The following ACSBG2 variants were observed in gnomAD, a reference collection of about 807,000 sequenced individuals.
The protein encoded by ACSBG2 is acyl-CoA synthetase bubblegum family member 2, also known as long-chain-fatty-acid--CoA ligase ACSBG2.
Under a neutral mutation model 74.7 loss-of-function variants are expected in ACSBG2, and 62 were observed. The observed-to-expected ratio is 0.83, with a 90% CI of 0.68 to 1.03. The LOEUF is 1.03. Ranked by LOEUF, ACSBG2 falls within the 50% of genes least tolerant of loss-of-function variation. ACSBG2 has a pLI of 0.00. For synonymous variants in ACSBG2, 309 were observed against 294.1 expected (o/e 1.05, Z -0.52); for missense variants, 730 against 817.6 (o/e 0.89, Z 1.31).
intron 7 of ACSBG2, among the ~76,000 whole-genome samples, chr19:6,166,327 TG>T (rs2089807957): frequency 6.7e-6 from 1 of 149,592 alleles, no homozygotes; most frequent in Non-Finnish European, 1.5e-5. Context: ...TGTGTGTGTG[TG>T]TGTTTTGAGA....
chr19:6,181,421 CATT>C (rs1475552610), intron 8 of ACSBG2, among the ~76,000 whole-genome samples: 2 of 152,022 alleles, frequency 1.3e-5, no homozygotes, highest in Non-Finnish European at 1.5e-5. Context: ...TATCTAATCT[CATT>C]GTTGAGTGTT....
chr19:6,178,372 G>GCAT (rs1455624179), intron 8 of ACSBG2, among the ~76,000 whole-genome samples: 3 of 146,976 alleles, frequency 2.0e-5, no homozygotes. Flanking sequence ...AATATTCATT[G>GCAT]CATTATTATT....
chr19:6,181,818 C>CA (rs1555696889), intron 8 of ACSBG2, among the ~76,000 whole-genome samples: 3 of 119,438 alleles, frequency 2.5e-5, no homozygotes, highest in Admixed American at 1.8e-4. Context: ...CACCCGCCCC[C>CA]CCCCCCAACG....
At chr19:6,185,676 G>GGAATCTC in intron 11 of ACSBG2, 23 bp downstream of exon 11, 1 of 1,612,784 alleles carries the variant, frequency 6.2e-7, no homozygotes. Flanking sequence ...GAGCTCTTTG[G>GGAATCTC]GAATCTCCTG....
rs2090052303 is a variant in ACSBG2 at position 6,174,836 on chromosome 19, T to C, written c.739-2393T>C. 6.6e-6 allele frequency among the ~76,000 whole-genome samples: 1 copy of C among 152,094 alleles called. No individual in the cohort carries two copies. Among genetic ancestry groups the C allele is most frequent in the African/African-American group, 2.4e-5 (1 of 41,412 alleles). ...TCATCATCATCTTTACAGCAAGAAG[T>C]TAAAGGTAGCCTTAGATTCTTGCCA... is the stretch of plus-strand genomic sequence containing the variant. On this transcript the variant is annotated intron_variant, in intron 7 of 14. Transcript: ENST00000588485. This position sits in a 1 kb window ranked among gnomAD's most constrained non-coding sequence, Gnocchi z 4.2.
intron 4 of ACSBG2, 31 bp downstream of exon 4, chr19:6,151,826 G>T: frequency 2.6e-6 from 4 of 1,563,558 alleles, no homozygotes; most frequent in Non-Finnish European, 3.5e-6. Context: ...CATGGTGAGG[G>T]TTAAGGAGCC....
At chr19:6,146,886 C>T (rs768899600) in intron 2 of ACSBG2, among the ~76,000 whole-genome samples, 3 of 152,108 alleles carry the variant, frequency 2.0e-5, no homozygotes, top group Non-Finnish European at 2.9e-5. Context: ...TGTTTGAGCC[C>T]AGGAGTTTGA....
intron 7 of ACSBG2, among the ~76,000 whole-genome samples, chr19:6,173,324 G>T (rs898693547): frequency 6.6e-6 from 1 of 152,142 alleles, no homozygotes; most frequent in Non-Finnish European, 1.5e-5. Context: ...GGCACCACAG[G>T]TGCACAACCA....
intron 6 of ACSBG2, chr19:6,161,499 G>T (rs2089615282): frequency 2.0e-6 from 1 of 496,006 alleles, no homozygotes; most frequent in Non-Finnish European, 3.7e-6. Flanking sequence ...AAGTGGGTGT[G>T]ACCTTTCAAA....
chr19:6,184,217 A>G (rs770942963), intron 10 of ACSBG2, among the ~76,000 whole-genome samples: 3 of 152,178 alleles, frequency 2.0e-5, no homozygotes, highest in Non-Finnish European at 4.4e-5. Context: ...CACTCTTTAC[A>G]TATTAGGAAA....
At chr19:6,160,870 C>A (rs556161432) in intron 5 of ACSBG2, 2 of 173,662 alleles carry the variant, frequency 1.2e-5, no homozygotes, top group Non-Finnish European at 1.2e-5. Flanking sequence ...GAGGCCGAGG[C>A]GGGGGGATCA....
intron 1 of ACSBG2, among the ~76,000 whole-genome samples, chr19:6,136,475 G>A (rs1033235484): frequency 4.6e-5 from 7 of 151,786 alleles, no homozygotes; most frequent in South Asian, 4.2e-4. Flanking sequence ...TGATCCACCC[G>A]CCTCGACCTC....
chr19:6,170,184 A>C (rs2145171238), intron 7 of ACSBG2, among the ~76,000 whole-genome samples: 1 of 152,296 alleles, frequency 6.6e-6, no homozygotes, highest in Non-Finnish European at 1.5e-5. Flanking sequence ...AATGCTTCCA[A>C]CTTTTCCCCT....
chr19:6,190,968 C>T (rs1048288107), intron 14 of ACSBG2: 10 of 219,980 alleles, frequency 4.5e-5, no homozygotes, highest in Middle Eastern at 1.6e-3. Context: ...GTTAGCTGTG[C>T]TTCCTGCCTT....
chr19:6,192,403 G>GT (rs2090589295), intron 14 of ACSBG2, among the ~76,000 whole-genome samples: 1 of 152,180 alleles, frequency 6.6e-6, no homozygotes, highest in African/African-American at 2.4e-5. Context: ...GATTACAAGT[G>GT]TGAGCCACTG....
intron 8 of ACSBG2, among the ~76,000 whole-genome samples, chr19:6,179,407 C>T (rs2090183115): frequency 6.6e-6 from 1 of 151,104 alleles, no homozygotes; most frequent in Non-Finnish European, 1.5e-5. Context: ...TCAAAGGATC[C>T]TCCCACCTCA....
intron 5 of ACSBG2, 38 bp downstream of exon 5, chr19:6,156,589 A>G: frequency 6.7e-7 from 1 of 1,502,218 alleles, no homozygotes; most frequent in South Asian, 1.4e-5. Context: ...AAAGTCACCC[A>G]GGGGTACCTC....
In ACSBG2 at chr19:6,147,642, G is replaced by A; in HGVS notation, c.264G>A (p.Glu88=). Residue 88 remains glutamate (E), a synonymous_variant, in exon 3 of 15, where the codon GAG becomes GAA. Coordinates refer to ENST00000588485, the MANE Select transcript of ACSBG2 (RefSeq NM_030924.5). ...TTCTGAATTTCAACCAGTACTATGAGGCTTGTCGGAAGGCTGCAAAATCCT... is the reference window on the plus strand; with the variant it reads ...TTCTGAATTTCAACCAGTACTATGAAGCTTGTCGGAAGGCTGCAAAATCCT... ...WEILNFNQYY[E]ACRKAAKSLI... 1.2e-6 allele frequency: 2 copies of A among 1,614,202 alleles called. No homozygotes were observed. The highest frequency in any genetic ancestry group is 1.7e-6 in the Non-Finnish European group (2 of 1,180,032).
intron 1 of ACSBG2, among the ~76,000 whole-genome samples, chr19:6,140,620 C>T (rs1234458256): frequency 1.3e-5 from 2 of 152,120 alleles, no homozygotes; most frequent in Non-Finnish European, 2.9e-5. Context: ...GTGGAGGCTG[C>T]AGTGAGCCGA....
Sources: allele counts gnomAD v4.1 joint callset (sites outside exome capture counted in the v4.1 genomes callset), GRCh38; gene constraint gnomAD v4.1.1; non-coding constraint Gnocchi (gnomAD v3.1); transcripts MANE v1.5; gene names NCBI Gene and HGNC (gene_info 2026-07-23, HGNC 2026-07-21).